CTNNA2: variants seen among roughly 807,000 people sequenced by gnomAD.
CTNNA2 encodes catenin alpha-2.
Under a neutral mutation model 101.0 loss-of-function variants are expected in CTNNA2, and 42 were observed. The ratio of observed to expected loss-of-function variants is 0.42; its 90% confidence interval spans 0.32 to 0.54. The LOEUF (loss-of-function observed/expected upper bound fraction) is 0.54. CTNNA2 is among the 20% of genes least tolerant of loss of function. The pLI is 0.14. For synonymous variants in CTNNA2, 450 were observed against 456.4 expected, an observed-to-expected ratio of 0.99 and a Z score of 0.18; for missense variants, 871 against 1,223.1, an observed-to-expected ratio of 0.71 and a Z score of 4.29.
At chr2:79,280,962 G>T (rs1032550025) in intron 2 of CTNNA2, among the ~76,000 whole-genome samples, 1 of 152,024 alleles carries the variant, frequency 6.6e-6, no homozygotes, top group South Asian at 2.1e-4. Context: ...CATCTCCCCT[G>T]CAGGATCAGG....
chr2:79,830,135 G>T (rs919321279), intron 3 of CTNNA2, among the ~76,000 whole-genome samples: 1 of 152,136 alleles, frequency 6.6e-6, no homozygotes, highest in Non-Finnish European at 1.5e-5. Context: ...CCTCTGGGGT[G>T]CAATACGAAA....
At chr2:79,240,168 A>G (rs945706459) in intron 2 of CTNNA2, among the ~76,000 whole-genome samples, 2 of 151,406 alleles carry the variant, frequency 1.3e-5, no homozygotes, top group South Asian at 2.1e-4. Flanking sequence ...TCAGCCTCCT[A>G]AAGTGCTGGG....
intron 9 of CTNNA2, among the ~76,000 whole-genome samples, chr2:80,523,250 G>C (rs182595605): frequency 2.6e-3 from 391 of 152,286 alleles, no homozygotes; most frequent in Middle Eastern, 0.014. Context: ...AAATACATGG[G>C]TGAGCAGAAA....
At chr2:79,254,148 A>G (rs953729158) in intron 2 of CTNNA2, among the ~76,000 whole-genome samples, 4 of 152,208 alleles carry the variant, frequency 2.6e-5, no homozygotes, top group African/African-American at 9.7e-5. Flanking sequence ...ACCAGGAACT[A>G]TTGGATCCTA....
rs189321930 is a variant in CTNNA2 at position 80,543,293 on chromosome 2, G to C, written c.1291-1689G>C. 2.2e-3 allele frequency among the ~76,000 whole-genome samples: 328 copies of C among 152,230 alleles called. 3 individuals carry two copies. The highest frequency in any genetic ancestry group is 1.4e-3 in the Non-Finnish European group (97 of 68,018). On this transcript the variant is annotated intron_variant, in intron 9 of 18. Transcript: ENST00000402739. ...TGAAGTTAAGAGACCTGCATCGTTG[G>C]TTCCTGCCCCACATCTAAGAACCTT...
intron 7 of CTNNA2, among the ~76,000 whole-genome samples, chr2:79,912,518 T>C (rs1423535977): frequency 6.6e-6 from 1 of 152,164 alleles, no homozygotes; most frequent in Non-Finnish European, 1.5e-5. Flanking sequence ...GTGGTGATAT[T>C]TGAAAAAAGG....
chr2:79,490,229 A>G lies in CTNNA2; in HGVS notation c.-134-14825A>G, dbSNP rs1671195343. Reference sequence around the variant, plus strand: ...AACCTTTCTGTAGAATCAGAATATAAGCTTGCATAAAAATGTCAGTTTGGC... The same window carrying G: ...AACCTTTCTGTAGAATCAGAATATAGGCTTGCATAAAAATGTCAGTTTGGC... On this transcript the variant is annotated intron_variant, in intron 4 of 21. Coordinates refer to the CTNNA2 transcript ENST00000466387. 2.6e-5 allele frequency among the ~76,000 whole-genome samples: 4 copies of G among 152,308 alleles called. No individual in the cohort carries two copies. The South Asian group carries it at 8.3e-4, about 32-fold the overall frequency.
intron 7 of CTNNA2, among the ~76,000 whole-genome samples, chr2:80,066,201 TA>T (rs1697976036): frequency 6.6e-6 from 1 of 152,238 alleles, no homozygotes; most frequent in South Asian, 2.1e-4. Context: ...TAGTGTGATG[TA>T]ACCTCATTTG....
chr2:79,340,751 C>A (rs191335333), intron 3 of CTNNA2, among the ~76,000 whole-genome samples: 7 of 145,414 alleles, frequency 4.8e-5, no homozygotes, highest in Non-Finnish European at 1.0e-4. Flanking sequence ...GGAGAATGGC[C>A]TGAACCCGGG....
chr2:80,270,378 TA>T (rs1453185419), intron 7 of CTNNA2, among the ~76,000 whole-genome samples: 4 of 152,200 alleles, frequency 2.6e-5, no homozygotes, highest in African/African-American at 9.6e-5. Context: ...CTTGATGTAC[TA>T]AAAGGCTTTC....
chr2:79,297,537 TTCA>T (rs1676009832), intron 2 of CTNNA2, among the ~76,000 whole-genome samples: 1 of 152,210 alleles, frequency 6.6e-6, no homozygotes, highest in Non-Finnish European at 1.5e-5. Flanking sequence ...GACTTCATGG[TTCA>T]TTTTGTGATT....
chr2:79,646,252 G>A, intron 1 of CTNNA2, among the ~76,000 whole-genome samples: 1 of 152,198 alleles, frequency 6.6e-6, no homozygotes, highest in Non-Finnish European at 1.5e-5. Flanking sequence ...CTTGGGGTAT[G>A]GGAACTCGAG....
intron 7 of CTNNA2, among the ~76,000 whole-genome samples, chr2:80,321,787 TG>T (rs919759030): frequency 1.3e-5 from 2 of 152,130 alleles, no homozygotes; most frequent in African/African-American, 4.8e-5. Context: ...TAATGGGAAA[TG>T]TTAATGTAAA....
intron 1 of CTNNA2, among the ~76,000 whole-genome samples, chr2:79,630,165 C>T (rs560171127): frequency 6.6e-6 from 1 of 152,058 alleles, no homozygotes; most frequent in Non-Finnish European, 1.5e-5. Flanking sequence ...ACCCTGGGAC[C>T]TGCTCTCCCC....
intron 17 of CTNNA2, chr2:80,616,580 A>G (rs1246686935): frequency 3.3e-5 from 5 of 151,698 alleles, no homozygotes; most frequent in African/African-American, 1.2e-4. Context: ...GAATGAAATT[A>G]CTACCGTGAC....
chr2:80,153,273 TG>T (rs1209152303), intron 7 of CTNNA2, among the ~76,000 whole-genome samples: 3 of 152,232 alleles, frequency 2.0e-5, no homozygotes, highest in African/African-American at 7.2e-5. Context: ...CTTTTCATCC[TG>T]GGAGCAGCCT....
chr2:79,568,005 C>T (rs893504743), intron 1 of CTNNA2, among the ~76,000 whole-genome samples: 5 of 151,996 alleles, frequency 3.3e-5, no homozygotes, highest in Non-Finnish European at 7.4e-5. Flanking sequence ...AGGAGGACAC[C>T]GAATCTTTGT....
At chr2:80,194,578 A>G (rs1706718019) in intron 7 of CTNNA2, among the ~76,000 whole-genome samples, 1 of 151,544 alleles carries the variant, frequency 6.6e-6, no homozygotes, top group African/African-American at 2.4e-5. Context: ...GTCTGTATAT[A>G]TAGTTTCTAT....
rs751405871 is a variant in CTNNA2 at position 79,744,552 on chromosome 2, G to A, written c.268G>A (p.Val90Met). ...GAGTCAAGATCTCAAAGAAGAGTTG[G>A]TGGCTGCTGTAGAGGATGTGCGCAA... The part of the protein sequence containing the change: ...KESQDLKEEL[V>M]AAVEDVRKQG... The change falls in exon 3 of 19, where the codon GTG becomes ATG. Residue 90 changes from valine to methionine, a missense_variant. Val to Met is a conservative substitution (Grantham distance 21). This residue lies in a region of CTNNA2 where 647 missense variants were observed against 831.5 expected (regional missense o/e 0.78). Transcript: ENST00000402739. 1 of 1,613,978 alleles carries A rather than the reference G, an allele frequency of 6.2e-7. No homozygotes were observed. The highest frequency in any genetic ancestry group is 8.5e-7 in the Non-Finnish European group (1 of 1,179,894).
Sources: gnomAD v4.1 joint callset for allele counts (sites outside exome capture counted in the v4.1 genomes callset) on GRCh38, gnomAD v4.1.1 for gene constraint, gnomAD v4.1.1 regional missense constraint, MANE v1.5 for transcripts, NCBI Gene and HGNC (gene_info 2026-07-23, HGNC 2026-07-21) for gene names.